HMGXB3: variants seen among roughly 807,000 people sequenced by gnomAD.
HMGXB3 encodes the protein HMG domain-containing protein 3.
Under a neutral mutation model 121.5 loss-of-function variants are expected in HMGXB3, and 45 were observed. The observed-to-expected ratio is 0.37, with a 90% CI of 0.29 to 0.47. HMGXB3 has a LOEUF of 0.47. HMGXB3 is among the 20% of genes least tolerant of loss of function. The pLI is 0.99. For synonymous variants in HMGXB3, 590 were observed against 624.1 expected (o/e 0.95, Z 0.81); for missense variants, 1,376 against 1,602.2 (o/e 0.86, Z 2.41).
At chr5:150,043,521 G>A (rs1166117758) in intron 15 of HMGXB3, among the ~76,000 whole-genome samples, 2 of 152,180 alleles carry the variant, frequency 1.3e-5, no homozygotes, top group Non-Finnish European at 2.9e-5. Flanking sequence ...GACATATTAA[G>A]GGTTGAATGC....
intron 16 of HMGXB3, among the ~76,000 whole-genome samples, chr5:150,045,977 C>G (rs1332964637): frequency 6.6e-6 from 1 of 152,146 alleles, no homozygotes; most frequent in African/African-American, 2.4e-5. Flanking sequence ...TGATAAGGCT[C>G]CATCCCCAAA....
intron 15 of HMGXB3, among the ~76,000 whole-genome samples, chr5:150,044,351 A>G (rs756686499): frequency 7.9e-5 from 12 of 152,038 alleles, no homozygotes; most frequent in Admixed American, 2.0e-4. Flanking sequence ...CTCCTTGTGG[A>G]GAGGATAGAC....
At chr5:150,028,501 A>ATATGTG (rs1756290481) in intron 9 of HMGXB3, among the ~76,000 whole-genome samples, 5 of 96,852 alleles carry the variant, frequency 5.2e-5, no homozygotes, top group East Asian at 5.8e-4. Context: ...ATATATATGT[A>ATATGTG]TGTATGTGTG....
intron 3 of HMGXB3, among the ~76,000 whole-genome samples, chr5:150,008,055 TCACACACACACACACA>T (rs70973560): frequency 6.5e-4 from 85 of 130,110 alleles, no homozygotes; most frequent in African/African-American, 2.1e-3. Context: ...AGACTCTGTT[TCACACACACACACACA>T]CACACACACA....
In HMGXB3 at chr5:150,010,304, C is replaced by T. The variant is rs968497235; in HGVS notation, c.506C>T (p.Pro169Leu). 1.2e-5 allele frequency: 18 copies of T among 1,551,650 alleles called. No homozygotes were observed. Among genetic ancestry groups the T allele is most frequent in the East Asian group, 9.8e-5 (4 of 40,920 alleles). ...CCTCCTCTTGTGTCCAACACTGCCC[C>T]GGAGACAGTGCCCAGCCATGCAGGC... Reference protein sequence around the residue: ...KGPPLVSNTAPETVPSHAGMA... With the variant: ...KGPPLVSNTALETVPSHAGMA... Residue 169 changes from proline (P) to leucine (L), a missense_variant, in exon 4 of 20, where the codon CCG becomes CTG. Transcript: ENST00000502717.
At chr5:150,043,905 C>T (rs1756695949) in intron 15 of HMGXB3, among the ~76,000 whole-genome samples, 1 of 152,170 alleles carries the variant, frequency 6.6e-6, no homozygotes, top group African/African-American at 2.4e-5. Context: ...CCAGTACCTC[C>T]TACGACTCTG....
intron 13 of HMGXB3, among the ~76,000 whole-genome samples, chr5:150,037,739 T>A (rs982690733): frequency 1.3e-5 from 2 of 152,044 alleles, no homozygotes; most frequent in African/African-American, 4.8e-5. Flanking sequence ...AAATAACAGA[T>A]CTTCATTGTG....
intron 11 of HMGXB3, among the ~76,000 whole-genome samples, chr5:150,034,549 T>TG (rs1561875765): frequency 6.6e-6 from 1 of 152,142 alleles, no homozygotes; most frequent in African/African-American, 2.4e-5. Context: ...AGGGACCTCT[T>TG]GCCAATTTCA....
chr5:150,034,490 C>T (rs1198441006), intron 11 of HMGXB3, among the ~76,000 whole-genome samples: 1 of 152,002 alleles, frequency 6.6e-6, no homozygotes, highest in Non-Finnish European at 1.5e-5. Flanking sequence ...CTCTCTAGAT[C>T]TAGGATGATG....
intron 7 of HMGXB3, among the ~76,000 whole-genome samples, chr5:150,025,928 C>T (rs897774560): frequency 2.0e-4 from 30 of 151,570 alleles, no homozygotes; most frequent in Admixed American, 1.3e-4. Context: ...CCTCCCGGGT[C>T]CATGCCATTC....
intron 13 of HMGXB3, among the ~76,000 whole-genome samples, chr5:150,038,332 T>A (rs1756546095): frequency 6.6e-6 from 1 of 152,254 alleles, no homozygotes; most frequent in South Asian, 2.1e-4. Flanking sequence ...GTTTTTAATG[T>A]CTTATATTAT....
At chr5:150,005,905 A>G (rs1755691830) in intron 2 of HMGXB3, among the ~76,000 whole-genome samples, 1 of 152,198 alleles carries the variant, frequency 6.6e-6, no homozygotes. Flanking sequence ...GGACACCTGT[A>G]TCTATCTTTG....
At chr5:150,049,717 A>G (rs1756846581) in intron 18 of HMGXB3, among the ~76,000 whole-genome samples, 1 of 152,060 alleles carries the variant, frequency 6.6e-6, no homozygotes, top group Admixed American at 6.5e-5. Context: ...AAGTGGGTGT[A>G]CCCAGAGTTG....
At position 150,018,715 on chromosome 5, in the gene HMGXB3, T is replaced by A. The variant is rs781074805; in HGVS notation, c.1041+18T>A. 1.8e-4 allele frequency: 277 copies of A among 1,540,556 alleles called. No homozygotes were observed. Among genetic ancestry groups the A allele is most frequent in the Non-Finnish European group, 2.2e-4 (251 of 1,141,818 alleles). On this transcript the variant is annotated intron_variant, in intron 6 of 19. Transcript: ENST00000502717. ...TCCCAAAGGTAAGGTCCATTGGCTGTTGCTGCTTTGGAAGCCTCACAGAAT... is the reference window on the plus strand; with the variant it reads ...TCCCAAAGGTAAGGTCCATTGGCTGATGCTGCTTTGGAAGCCTCACAGAAT...
chr5:150,011,217 G>A (rs1333099316), intron 4 of HMGXB3, among the ~76,000 whole-genome samples: 4 of 152,180 alleles, frequency 2.6e-5, no homozygotes, highest in Non-Finnish European at 5.9e-5. Context: ...TCAAGGCCAG[G>A]TTGATGGGAC....
chr5:150,048,957 C>A (rs1194179817), intron 18 of HMGXB3, among the ~76,000 whole-genome samples: 1 of 152,184 alleles, frequency 6.6e-6, no homozygotes, highest in African/African-American at 2.4e-5. Flanking sequence ...GTCGTTCCTC[C>A]CTAGTTGACC....
In HMGXB3 at chr5:150,015,822, G is replaced by A. The variant is rs975307844; in HGVS notation, c.910-2744G>A. ...TTGATTAATAATTTAATTCCACTGT[G>A]GCCTGACCTTTTTGATTTATTTAAA... On this transcript the variant is annotated intron_variant, in intron 5 of 19. Coordinates refer to ENST00000502717, the MANE Select transcript of HMGXB3 (RefSeq NM_014983.3). Among the ~76,000 whole-genome samples, 3 of 152,140 alleles carry A rather than the reference G, an allele frequency of 2.0e-5. No individual in the cohort carries two copies. In the East Asian group the frequency reaches 5.8e-4, roughly 29 times the overall value.
intron 9 of HMGXB3, 108 bp from the exon 10 acceptor site, chr5:150,030,633 G>A (rs1028134982): frequency 2.5e-6 from 2 of 806,508 alleles, no homozygotes; most frequent in Non-Finnish European, 4.1e-6. Context: ...TTGGAGAATA[G>A]CTCTACAAAT....
chr5:150,022,442 A>G (rs953492113), intron 6 of HMGXB3, among the ~76,000 whole-genome samples: 2 of 152,202 alleles, frequency 1.3e-5, no homozygotes, highest in African/African-American at 4.8e-5. Flanking sequence ...TGATGGCAGC[A>G]GTTGAGGTCT....
Sources: gnomAD v4.1 joint callset for allele counts (sites outside exome capture counted in the v4.1 genomes callset) on GRCh38, gnomAD v4.1.1 for gene constraint, MANE v1.5 for transcripts, NCBI Gene and HGNC (gene_info 2026-07-23, HGNC 2026-07-21) for gene names.